The following GRID2 variants were observed in gnomAD, a reference collection of about 807,000 sequenced individuals.
GRID2 encodes glutamate ionotropic receptor delta type subunit 2.
GRID2 carries 33 observed loss-of-function variants against 114.8 expected under a neutral mutation model. The ratio of observed to expected loss-of-function variants is 0.29; its 90% CI spans 0.22 to 0.38. GRID2 has a LOEUF of 0.38. GRID2 is among the 10% of genes least tolerant of loss of function. The probability of loss-of-function intolerance (pLI) is 1.00; values close to 1 mark genes in which losing one functional copy is unlikely to be tolerated. For missense variants in GRID2, 1,184 were observed against 1,257.7 expected (o/e 0.94, Z 0.89); for synonymous variants, 505 against 449.9 (o/e 1.12, Z -1.55).
chr4:92,632,200 G>T (rs1017138404), intron 2 of GRID2, among the ~76,000 whole-genome samples: 3 of 152,042 alleles, frequency 2.0e-5, no homozygotes, highest in African/African-American at 7.2e-5. Context: ...ACAATTAGCT[G>T]TTTTTTGGAA....
intron 2 of GRID2, among the ~76,000 whole-genome samples, chr4:92,675,436 A>G (rs189304992): frequency 1.3e-4 from 19 of 151,976 alleles, no homozygotes; most frequent in African/African-American, 4.6e-4. Flanking sequence ...CTCCTCTCTA[A>G]TACTCTGTAC....
rs1292181728 is a variant in GRID2 at position 92,608,894 on chromosome 4, A to G, written c.244+18608A>G. Among the ~76,000 whole-genome samples the G allele has an allele frequency of 5.9e-5, 9 of 151,908 alleles. No homozygotes were observed. The East Asian group carries it at 1.7e-3, about 29-fold the overall frequency. ...CGTTCATTTATTCTTTCACCCAAAT[A>G]TATATTGAGAACTTATAATTTGCAA... On this transcript the variant is annotated intron_variant, in intron 2 of 15. Transcript: ENST00000282020.
intron 2 of GRID2, among the ~76,000 whole-genome samples, chr4:92,916,164 T>C (rs1286367979): frequency 6.6e-6 from 1 of 152,154 alleles, no homozygotes; most frequent in Non-Finnish European, 1.5e-5. Context: ...CTAAATGGTA[T>C]TGCCTAAGCT....
chr4:93,253,775 T>C (rs1057324048), intron 8 of GRID2, among the ~76,000 whole-genome samples: 4 of 152,112 alleles, frequency 2.6e-5, no homozygotes, highest in Admixed American at 1.3e-4. Flanking sequence ...TTTTTCAAGG[T>C]GATATTTAAA....
intron 1 of GRID2, among the ~76,000 whole-genome samples, chr4:92,389,909 A>C (rs75320832): frequency 6.6e-6 from 1 of 152,076 alleles, no homozygotes; most frequent in African/African-American, 2.4e-5. Flanking sequence ...TCAAAATTGC[A>C]GGTGCTATGA....
chr4:92,343,504 A>C (rs532090655), intron 1 of GRID2, among the ~76,000 whole-genome samples: 9 of 152,194 alleles, frequency 5.9e-5, no homozygotes, highest in African/African-American at 2.2e-4. Flanking sequence ...CTGGAAGCCT[A>C]ACTAATAGCA....
intron 2 of GRID2, among the ~76,000 whole-genome samples, chr4:92,629,265 T>C (rs571027540): frequency 2.0e-5 from 3 of 152,248 alleles, no homozygotes; most frequent in East Asian, 1.9e-4. Context: ...ATGCAACATT[T>C]ATAGGTGTCA....
At chr4:93,508,855 G>C (rs1167224172) in intron 12 of GRID2, among the ~76,000 whole-genome samples, 1 of 152,196 alleles carries the variant, frequency 6.6e-6, no homozygotes, top group Non-Finnish European at 1.5e-5. Flanking sequence ...AGACAGTGAA[G>C]TTTCATGTTG....
At chr4:92,336,557 G>A (rs973695495) in intron 1 of GRID2, among the ~76,000 whole-genome samples, 12 of 152,060 alleles carry the variant, frequency 7.9e-5, no homozygotes, top group African/African-American at 2.9e-4. Context: ...GCATATTGGT[G>A]TCCACTACCC....
intron 1 of GRID2, among the ~76,000 whole-genome samples, chr4:92,573,990 T>A (rs1200694628): frequency 2.0e-5 from 3 of 152,228 alleles, no homozygotes; most frequent in Non-Finnish European, 4.4e-5. Flanking sequence ...TGGGTGCTCC[T>A]GTATTGGGTG....
At chr4:93,183,525 C>T (rs1470271681) in intron 4 of GRID2, among the ~76,000 whole-genome samples, 2 of 152,180 alleles carry the variant, frequency 1.3e-5, no homozygotes, top group African/African-American at 4.8e-5. Flanking sequence ...AGGGATTCTT[C>T]ATGGCACCCA....
chr4:92,644,223 T>C (rs1171284384), intron 2 of GRID2, among the ~76,000 whole-genome samples: 1 of 151,786 alleles, frequency 6.6e-6, no homozygotes, highest in African/African-American at 2.4e-5. Context: ...TGTAAATGGA[T>C]ACAACATAAA....
chr4:92,924,358 C>T (rs1348000176), intron 2 of GRID2, among the ~76,000 whole-genome samples: 1 of 151,532 alleles, frequency 6.6e-6, no homozygotes, highest in Non-Finnish European at 1.5e-5. Context: ...ATGTAACTAA[C>T]CTGCACATTG....
At chr4:92,618,733 A>G (rs970475977) in intron 2 of GRID2, among the ~76,000 whole-genome samples, 3 of 151,630 alleles carry the variant, frequency 2.0e-5, no homozygotes, top group Non-Finnish European at 4.4e-5. Flanking sequence ...GCCAAATACT[A>G]TACACTTCAT....
At position 92,702,145 on chromosome 4, in the gene GRID2, A is replaced by G. The variant is rs554290341; in HGVS notation, c.244+111859A>G. On this transcript the variant is annotated intron_variant, in intron 2 of 15. Coordinates refer to ENST00000282020, the MANE Select transcript of GRID2 (RefSeq NM_001510.4). ...ATCCAGGTCAGTTTCTATCTATTTT[A>G]TTTTTCTCCCAGTATGAAAGGACGA... 5.9e-5 allele frequency among the ~76,000 whole-genome samples: 9 copies of G among 152,042 alleles called. No individual in the cohort carries two copies. In the South Asian group the frequency reaches 1.9e-3, roughly 32 times the overall value.
At chr4:93,676,131 C>G (rs914954390) in intron 14 of GRID2, among the ~76,000 whole-genome samples, 2 of 152,320 alleles carry the variant, frequency 1.3e-5, no homozygotes, top group East Asian at 1.9e-4. Context: ...AATGCTAGAA[C>G]AGTTAGATAG....
intron 2 of GRID2, among the ~76,000 whole-genome samples, chr4:92,831,613 G>C (rs1578258982): frequency 6.6e-6 from 1 of 151,588 alleles, no homozygotes; most frequent in African/African-American, 2.4e-5. Flanking sequence ...CAGTACTTTG[G>C]GAAGCTGGGG....
intron 1 of GRID2, among the ~76,000 whole-genome samples, chr4:92,445,115 C>G (rs888379012): frequency 6.6e-6 from 1 of 152,120 alleles, no homozygotes; most frequent in Non-Finnish European, 1.5e-5. Context: ...GTGCTAGATA[C>G]TCTTCAAATT....
intron 14 of GRID2, among the ~76,000 whole-genome samples, chr4:93,739,664 C>T (rs1476543839): frequency 6.6e-6 from 1 of 152,188 alleles, no homozygotes; most frequent in African/African-American, 2.4e-5. Context: ...GTTTCTCTCA[C>T]CCCACCCGGC....
Sources: allele counts gnomAD v4.1 joint callset (sites outside exome capture counted in the v4.1 genomes callset), GRCh38; gene constraint gnomAD v4.1.1; transcripts MANE v1.5; gene names NCBI Gene and HGNC (gene_info 2026-07-23, HGNC 2026-07-21).